Variants in TTR observed in about 807,000 individuals in gnomAD.
TTR encodes epididymis luminal protein 111.
In TTR, 8 loss-of-function variants were observed where a neutral mutation model predicts 13.7. The observed-to-expected ratio is 0.58, with a 90% CI of 0.34 to 1.05. The LOEUF is 1.05. Ranked by LOEUF, TTR falls within the 50% of genes least tolerant of loss-of-function variation. The pLI is 0.02. For synonymous variants in TTR, 75 were observed against 71.7 expected, an observed-to-expected ratio of 1.05 and a Z score of -0.23; for missense variants, 135 against 185.5, an observed-to-expected ratio of 0.73 and a Z score of 1.58.
Position 31,595,220 on chromosome 18 carries a change from G to T in TTR, c.301G>T (p.Ala101Ser), listed in dbSNP as rs730881165. ...VEIDTKSYWKALGISPFHEHA... is the reference protein window; with the variant it reads ...VEIDTKSYWKSLGISPFHEHA... ...AATAGACACCAAATCTTACTGGAAG[G>T]CACTTGGCATCTCCCCATTCCATGA... The change falls in exon 3 of 4, where the codon GCA (alanine) becomes TCA (serine). Residue 101 changes from alanine to serine, a missense_variant. By Grantham distance (99) the Ala-to-Ser change is moderately conservative. Coordinates refer to ENST00000237014, the MANE Select transcript of TTR (RefSeq NM_000371.4). 6.2e-7 allele frequency: 1 copy of T among 1,614,140 alleles called. No individual in the cohort carries two copies. The highest frequency in any genetic ancestry group is 2.2e-5 in the East Asian group (1 of 44,870).
At position 31,598,608 on chromosome 18, in the gene TTR, C is replaced by T. The variant is rs1456101911; in HGVS notation, c.377C>T (p.Thr126Ile). 1.2e-6 allele frequency: 2 copies of T among 1,614,094 alleles called. No individual in the cohort carries two copies. Among genetic ancestry groups the T allele is most frequent in the Admixed American group, 3.3e-5 (2 of 60,012 alleles). ...AACGACTCCGGCCCCCGCCGCTACA[C>T]CATTGCCGCCCTGCTGAGCCCCTAC... is the stretch of plus-strand genomic sequence containing the variant. Reference protein sequence around the residue: ...TANDSGPRRYTIAALLSPYSY... With the variant: ...TANDSGPRRYIIAALLSPYSY... Residue 126 changes from threonine to isoleucine, a missense_variant, in exon 4 of 4, where the codon ACC (threonine) becomes ATC (isoleucine). Transcript: ENST00000237014.
Position 31,591,954 on chromosome 18 carries a change from T to A in TTR, c.52T>A (p.Ser18Thr). The A allele has an allele frequency of 6.2e-7, 1 of 1,614,188 alleles. No homozygotes were observed. The highest frequency in any genetic ancestry group is 8.5e-7 in the Non-Finnish European group (1 of 1,180,024). The stretch of plus-strand genomic sequence containing the variant: ...CTGCCTTGCTGGACTGGTATTTGTG[T>A]CTGAGGCTGGCCCTACGGTGAGTGT... Reference protein sequence around the residue: ...LLCLAGLVFVSEAGPTGTGES... With the variant: ...LLCLAGLVFVTEAGPTGTGES... The change falls in exon 1 of 4, where the codon TCT becomes ACT. Residue 18 changes from serine (S) to threonine (T), a missense_variant. Ser to Thr is a moderately conservative substitution (Grantham distance 58). Transcript: ENST00000237014.
intron 3 of TTR, among the ~76,000 whole-genome samples, chr18:31,596,626 G>C (rs1266196165): frequency 6.6e-6 from 1 of 151,426 alleles, no homozygotes; most frequent in Non-Finnish European, 1.5e-5. Context: ...TTAGATCTTA[G>C]CTTCCTTGTC....
At chr18:31,594,498 G>A (rs1176131311) in intron 2 of TTR, among the ~76,000 whole-genome samples, 1 of 152,184 alleles carries the variant, frequency 6.6e-6, no homozygotes, top group African/African-American at 2.4e-5. Context: ...CTGGAGAAGT[G>A]CAGAGTTAGA....
In TTR at chr18:31,595,142, C is replaced by T. The variant is rs2073510448; in HGVS notation, c.223C>T (p.Leu75=). ...TAGGAAAACCAGTGAGTCTGGAGAGCTGCATGGGCTCACAACTGAGGAGGA... is the reference window on the plus strand; with the variant it reads ...TAGGAAAACCAGTGAGTCTGGAGAGTTGCATGGGCTCACAACTGAGGAGGA... The part of the protein sequence containing the change: ...ASGKTSESGE[L]HGLTTEEEFV... The change falls in exon 3 of 4, where the codon CTG becomes TTG. Residue 75 remains leucine (L), a synonymous_variant. Coordinates refer to ENST00000237014, the MANE Select transcript of TTR (RefSeq NM_000371.4). The T allele has an allele frequency of 6.2e-7, 1 of 1,614,142 alleles. No individual in the cohort carries two copies. Among genetic ancestry groups the T allele is most frequent in the Non-Finnish European group, 8.5e-7 (1 of 1,180,018 alleles).
intron 2 of TTR, among the ~76,000 whole-genome samples, chr18:31,594,840 G>T (rs1242383628): frequency 6.6e-6 from 1 of 151,864 alleles, no homozygotes; most frequent in South Asian, 2.1e-4. Flanking sequence ...CTCCAGCCTG[G>T]GTGACAAGAG....
At position 31,594,368 on chromosome 18, in the gene TTR, A is replaced by T. The variant is rs141035204; in HGVS notation, c.201-752A>T. Among the ~76,000 whole-genome samples the T allele has an allele frequency of 4.5e-3, 687 of 152,336 alleles. 3 individuals are homozygous for T. The highest frequency in any genetic ancestry group is 0.014 in the African/African-American group (563 of 41,570). ...TATATAAAAGGGAAAAGAGTCAGAT[A>T]CAGGTTCTTCTTCCTACTTTAGGTT... On this transcript the variant is annotated intron_variant, in intron 2 of 3. Coordinates refer to ENST00000237014, the MANE Select transcript of TTR (RefSeq NM_000371.4).
chr18:31,594,580 C>A (rs1257687414), intron 2 of TTR, among the ~76,000 whole-genome samples: 2 of 152,064 alleles, frequency 1.3e-5, no homozygotes, highest in East Asian at 1.9e-4. Flanking sequence ...AACATTATAC[C>A]TGGCCGGGCA....
intron 3 of TTR, chr18:31,595,469 A>C: frequency 1.5e-6 from 1 of 686,462 alleles, no homozygotes; most frequent in Non-Finnish European, 2.6e-6. Context: ...TAGTAACATG[A>C]CTTGAACTTA....
Position 31,598,578 on chromosome 18 carries a change from C to G in TTR, c.347C>G (p.Thr116Arg). The G allele has an allele frequency of 1.2e-6, 2 of 1,614,092 alleles. No homozygotes were observed. The highest frequency in any genetic ancestry group is 1.7e-6 in the Non-Finnish European group (2 of 1,180,042). The change falls in exon 4 of 4, where the codon ACA (threonine) becomes AGA (arginine). Residue 116 changes from threonine to arginine, a missense_variant. Physicochemically the swap from Thr to Arg is moderately conservative, Grantham distance 71 (BLOSUM62 -1). Coordinates refer to ENST00000237014, the MANE Select transcript of TTR (RefSeq NM_000371.4). ...PFHEHAEVVF[T>R]ANDSGPRRYT... is the part of the protein sequence containing the mutation. The stretch of plus-strand genomic sequence containing the variant: ...TGTCTTCTCTCATAGGTGGTATTCA[C>G]AGCCAACGACTCCGGCCCCCGCCGC...
At chr18:31,595,340 C>T in intron 3 of TTR, 85 bp downstream of exon 3, 1 of 1,567,564 alleles carries the variant, frequency 6.4e-7, no homozygotes, top group Non-Finnish European at 8.8e-7. Context: ...ACTCAGTGTA[C>T]CACAGAAATG....
intron 3 of TTR, chr18:31,597,307 G>A (rs547810758): frequency 6.6e-6 from 1 of 152,292 alleles, no homozygotes; most frequent in Non-Finnish European, 1.5e-5. Context: ...GCCTCCCAAA[G>A]TGCTGGGATT....
rs587780990 is a variant in TTR at position 31,592,889 on chromosome 18, C to T, written c.70-7C>T. 9.0e-5 allele frequency: 146 copies of T among 1,613,610 alleles called. 1 individual carries two copies. In the South Asian group the frequency reaches 1.1e-3, roughly 12 times the overall value. On this transcript the variant is annotated splice_region_variant and splice_polypyrimidine_tract_variant and intron_variant, in intron 1 of 3. Transcript: ENST00000237014. Reference sequence around the variant, plus strand: ...GTTAACTTCTCACGTGTCTTCTCTACACCCAGGGCACCGGTGAATCCAAGT... The same window carrying T: ...GTTAACTTCTCACGTGTCTTCTCTATACCCAGGGCACCGGTGAATCCAAGT...
chr18:31,593,177 CCT>C lies in TTR; in HGVS notation c.200+154_200+155del. The C allele has an allele frequency of 6.1e-6, 7 of 1,154,764 alleles. No individual in the cohort carries two copies. In the South Asian group the frequency reaches 9.8e-5, roughly 16 times the overall value. 71.5% of individuals were successfully genotyped at this position (1,154,764 alleles called of 1,614,324 possible). A position where few individuals can be genotyped will look rare whatever the true frequency, so the allele number is the denominator to read the frequency against. On this transcript the variant is annotated intron_variant, in intron 2 of 3. Coordinates refer to ENST00000237014, the MANE Select transcript of TTR (RefSeq NM_000371.4). ...GTCAAGTATGCCCTCTGAAGGATGCCCTCTTTTTGTTTTGCTTAGCTAGGAAG... is the reference window on the plus strand; with the variant it reads ...GTCAAGTATGCCCTCTGAAGGATGCCCTTTTTGTTTTGCTTAGCTAGGAAG...
rs1375503720 is a variant in TTR at position 31,598,788 on chromosome 18, A to G, written c.*113A>G. 2.7e-6 allele frequency: 3 copies of G among 1,094,446 alleles called. No individual in the cohort carries two copies. Among genetic ancestry groups the G allele is most frequent in the Non-Finnish European group, 4.1e-6 (3 of 737,374 alleles). The allele number at this position is 1,094,446 out of a possible 1,614,324, so 67.8% of individuals were successfully genotyped here. On this transcript the variant is annotated 3_prime_UTR_variant, in exon 4 of 4. Coordinates refer to ENST00000237014, the MANE Select transcript of TTR (RefSeq NM_000371.4). ...ACCTCATATGCTATGTTAGAAGTCCAGGCAGAGACAATAAAACATTCCTGT... is the reference window on the plus strand; with the variant it reads ...ACCTCATATGCTATGTTAGAAGTCCGGGCAGAGACAATAAAACATTCCTGT...
chr18:31,594,586 G>A (rs967957879), intron 2 of TTR, among the ~76,000 whole-genome samples: 6 of 152,288 alleles, frequency 3.9e-5, no homozygotes, highest in Admixed American at 1.3e-4. Context: ...ATACCTGGCC[G>A]GGCACGGTGG....
Position 31,595,252 on chromosome 18 carries a change from A to G in TTR, c.333A>G (p.Ala111=), listed in dbSNP as rs1231398400. ...GCATCTCCCCATTCCATGAGCATGC[A>G]GAGGTGAGTATACAGACCTTCGAGG... ...ALGISPFHEH[A]EVVFTANDSG... The change falls in exon 3 of 4, where the codon GCA becomes GCG. Residue 111 remains alanine, a synonymous_variant. Coordinates refer to ENST00000237014, the MANE Select transcript of TTR (RefSeq NM_000371.4). The G allele has an allele frequency of 6.2e-7, 1 of 1,614,204 alleles. No individual in the cohort carries two copies. The highest frequency in any genetic ancestry group is 8.5e-7 in the Non-Finnish European group (1 of 1,180,018).
At chr18:31,592,070 G>A (rs1042744448) in intron 1 of TTR, 99 bp downstream of exon 1, 2 of 1,178,256 alleles carry the variant, frequency 1.7e-6, no homozygotes, top group Admixed American at 1.7e-5. Flanking sequence ...TTTATTACTA[G>A]GGCAAGGGTA....
chr18:31,596,796 G>A (rs139314135), intron 3 of TTR, among the ~76,000 whole-genome samples: 13 of 152,280 alleles, frequency 8.5e-5, no homozygotes, highest in South Asian at 2.1e-4. Context: ...GATTAAGCAG[G>A]ACCGTCAGCC....
Sources: allele counts gnomAD v4.1 joint callset (sites outside exome capture counted in the v4.1 genomes callset), GRCh38; gene constraint gnomAD v4.1.1; transcripts MANE v1.5; gene names NCBI Gene and HGNC (gene_info 2026-07-23, HGNC 2026-07-21).